The following OR5AP2 variants were observed in gnomAD, a reference collection of about 807,000 sequenced individuals.
The protein encoded by OR5AP2 is olfactory receptor family 5 subfamily AP member 2.
For synonymous variants in OR5AP2, 142 were observed against 140.8 expected, an observed-to-expected ratio of 1.01 and a Z score of -0.06; for missense variants, 409 against 378.9, an observed-to-expected ratio of 1.08 and a Z score of -0.66.
chr11:56,642,132 C>T lies in OR5AP2; in HGVS notation c.308G>A (p.Cys103Tyr). 2 of 1,614,142 alleles carry T rather than the reference C, an allele frequency of 1.2e-6. No individual in the cohort carries two copies. Among genetic ancestry groups the T allele is most frequent in the Non-Finnish European group, 1.7e-6 (2 of 1,180,022 alleles). The change falls in exon 1 of 1, where the codon TGT (cysteine) becomes TAT (tyrosine). Residue 103 changes from cysteine to tyrosine, a missense_variant. By Grantham distance (194) the Cys-to-Tyr change is radical. Transcript: ENST00000544374. ...AENKAISFHG[C>Y]AAQFYFFGSF... is the part of the protein sequence containing the mutation. ...GCCAAAGAAGTAGAACTGGGCAGCA[C>T]ATCCATGAAAAGAAATGGCCTTATT...
At position 56,642,340 on chromosome 11, in the gene OR5AP2, A is replaced by T; in HGVS notation, c.100T>A (p.Phe34Ile). The T allele has an allele frequency of 6.2e-7, 1 of 1,612,942 alleles. No homozygotes were observed. The highest frequency in any genetic ancestry group is 8.5e-7 in the Non-Finnish European group (1 of 1,179,948). Residue 34 changes from phenylalanine (F) to isoleucine (I), a missense_variant, in exon 1 of 1, where the codon TTT becomes ATT. Coordinates refer to ENST00000544374, the MANE Select transcript of OR5AP2 (RefSeq NM_001002925.1). The part of the protein sequence containing the change: ...SDNPDLQGVL[F>I]ALFLLIYMAN... The stretch of plus-strand genomic sequence containing the variant: ...ATATAGATCAACAGAAACAATGCAA[A>T]GAGGACTCCTTGTAGATCTGGATTG...
In OR5AP2 at chr11:56,641,654, G is replaced by A. The variant is rs773680184; in HGVS notation, c.786C>T (p.Leu262=). 1 of 1,614,144 alleles carries A rather than the reference G, an allele frequency of 6.2e-7. No homozygotes were observed. The highest frequency in any genetic ancestry group is 8.5e-7 in the Non-Finnish European group (1 of 1,180,028). Residue 262 remains leucine, a synonymous_variant, in exon 1 of 1, where the codon CTC becomes CTT. Transcript: ENST00000544374. ...MAVTIFFGTI[L]FMYLRPTSSY... is the part of the protein sequence containing the mutation. ...TAGATGTAGGGCGCAAGTACATGAA[G>A]AGGATTGTTCCAAAGAATATGGTGA... is the stretch of plus-strand genomic sequence containing the variant.
Position 56,642,368 on chromosome 11 carries a change from G to A in OR5AP2, c.72C>T (p.Ser24=), listed in dbSNP as rs764445202. ...GGACTCCTTGTAGATCTGGATTGTC[G>A]GAAAGTCCTAAGAGGAGAAATTCTG... is the stretch of plus-strand genomic sequence containing the variant. ...EVTEFLLLGL[S]DNPDLQGVLF... Residue 24 remains serine (S), a synonymous_variant, in exon 1 of 1, where the codon TCC becomes TCT. Transcript: ENST00000544374. 3.0e-5 allele frequency: 49 copies of A among 1,610,248 alleles called. No individual in the cohort carries two copies. Among genetic ancestry groups the A allele is most frequent in the African/African-American group, 1.7e-4 (13 of 74,892 alleles).
Position 56,641,927 on chromosome 11 carries a change from C to A in OR5AP2, c.513G>T (p.Arg171Ser), listed in dbSNP as rs1201944826. ...TCCTATTAGAACCACAAAAGGACAA[C>A]CTAAAAGTCATCCCTGTATGTATGG... ...NAAIHTGMTF[R>S]LSFCGSNRIN... The change falls in exon 1 of 1, where the codon AGG becomes AGT. Residue 171 changes from arginine (R) to serine (S), a missense_variant. Physicochemically the swap from Arg to Ser is moderately radical, Grantham distance 110. Coordinates refer to ENST00000544374, the MANE Select transcript of OR5AP2 (RefSeq NM_001002925.1). The A allele has an allele frequency of 6.2e-7, 1 of 1,614,170 alleles. No individual in the cohort carries two copies. The highest frequency in any genetic ancestry group is 8.5e-7 in the Non-Finnish European group (1 of 1,180,034).
At position 56,641,576 on chromosome 11, in the gene OR5AP2, G is replaced by C; in HGVS notation, c.864C>G (p.Ile288Met). 1 of 1,613,082 alleles carries C rather than the reference G, an allele frequency of 6.2e-7. No homozygotes were observed. The highest frequency in any genetic ancestry group is 8.5e-7 in the Non-Finnish European group (1 of 1,179,100). ...TATAGATGAGGGGATTTAGCACAGG[G>C]ATTATTACTGTATAAAAGACAGAGA... ...KVVSVFYTVIIPVLNPLIYSL... is the reference protein window; with the variant it reads ...KVVSVFYTVIMPVLNPLIYSL... Residue 288 changes from isoleucine to methionine, a missense_variant, in exon 1 of 1, where the codon ATC becomes ATG. Transcript: ENST00000544374.
At position 56,642,307 on chromosome 11, in the gene OR5AP2, T is replaced by C. The variant is rs747363797; in HGVS notation, c.133A>G (p.Met45Val). 4 of 1,613,974 alleles carry C rather than the reference T, an allele frequency of 2.5e-6. No homozygotes were observed. Among genetic ancestry groups the C allele is most frequent in the Non-Finnish European group, 1.7e-6 (2 of 1,180,026 alleles). ...ACAATCATCCCCAAATTGCCCACCA[T>C]GTTTGCCATATAGATCAACAGAAAC... Reference protein sequence around the residue: ...ALFLLIYMANMVGNLGMIVLI... With the variant: ...ALFLLIYMANVVGNLGMIVLI... The change falls in exon 1 of 1, where the codon ATG becomes GTG. Residue 45 changes from methionine to valine, a missense_variant. Met to Val is a conservative substitution (Grantham distance 21). Transcript: ENST00000544374.
Position 56,641,834 on chromosome 11 carries a change from G to T in OR5AP2, c.606C>A (p.Gly202=). 6.2e-7 allele frequency: 1 copy of T among 1,614,150 alleles called. No homozygotes were observed. The highest frequency in any genetic ancestry group is 8.5e-7 in the Non-Finnish European group (1 of 1,179,972). The change falls in exon 1 of 1, where the codon GGC becomes GGA. Residue 202 remains glycine, a synonymous_variant. Transcript: ENST00000544374. The part of the protein sequence containing the change: ...KLSCSDTHFN[G]IVIMAFSSFI... The stretch of plus-strand genomic sequence containing the variant: ...AACTTGAGAATGCCATGATCACAAT[G>T]CCATTGAAGTGGGTATCAGAGCAAG...
At position 56,641,545 on chromosome 11, in the gene OR5AP2, T is replaced by G. The variant is rs1262835060; in HGVS notation, c.895A>C (p.Lys299Gln). The part of the protein sequence containing the change: ...PVLNPLIYSL[K>Q]NKDVKKALKK... The stretch of plus-strand genomic sequence containing the variant: ...AGGGCCTTTTTTACATCCTTATTTT[T>G]TAAACTATAGATGAGGGGATTTAGC... The change falls in exon 1 of 1, where the codon AAA (lysine) becomes CAA (glutamine). Residue 299 changes from lysine (K) to glutamine (Q), a missense_variant. Physicochemically the swap from Lys to Gln is moderately conservative, Grantham distance 53. Transcript: ENST00000544374. The G allele has an allele frequency of 1.1e-5, 17 of 1,612,310 alleles. No homozygotes were observed. Among genetic ancestry groups the G allele is most frequent in the Non-Finnish European group, 1.4e-5 (17 of 1,178,724 alleles).
At position 56,641,707 on chromosome 11, in the gene OR5AP2, A is replaced by T; in HGVS notation, c.733T>A (p.Ser245Thr). Residue 245 changes from serine to threonine, a missense_variant, in exon 1 of 1, where the codon TCC becomes ACC. Coordinates refer to ENST00000544374, the MANE Select transcript of OR5AP2 (RefSeq NM_001002925.1). The part of the protein sequence containing the change: ...PSLEGRHKAF[S>T]TCASYLMAVT... ...GCCATGAGGTAAGAGGCACAGGTGG[A>T]GAAGGCTTTGTGCCTGCCCTCTAAC... 1 of 1,614,094 alleles carries T rather than the reference A, an allele frequency of 6.2e-7. No homozygotes were observed. Among genetic ancestry groups the T allele is most frequent in the Non-Finnish European group, 8.5e-7 (1 of 1,179,970 alleles).
rs1282927235 is a variant in OR5AP2 at position 56,641,820 on chromosome 11, G to A, written c.620C>T (p.Ala207Val). The A allele has an allele frequency of 1.9e-6, 3 of 1,614,156 alleles. No individual in the cohort carries two copies. The highest frequency in any genetic ancestry group is 2.2e-5 in the East Asian group (1 of 44,892). ...DTHFNGIVIM[A>V]FSSFIVISCV... ...GCTGATGACAATAAAACTTGAGAAT[G>A]CCATGATCACAATGCCATTGAAGTG... is the stretch of plus-strand genomic sequence containing the variant. The change falls in exon 1 of 1, where the codon GCA (alanine) becomes GTA (valine). Residue 207 changes from alanine to valine, a missense_variant. Ala to Val is a moderately conservative substitution (Grantham distance 64). Transcript: ENST00000544374.
chr11:56,642,146 AATGGCCTTATTCTCAG>A lies in OR5AP2; in HGVS notation c.278_293del (p.Ala93ValfsTer26). 2 of 1,614,190 alleles carry A rather than the reference AATGGCCTTATTCTCAG, an allele frequency of 1.2e-6. No homozygotes were observed. The highest frequency in any genetic ancestry group is 1.7e-6 in the Non-Finnish European group (2 of 1,180,020). ...ACTGGGCAGCACATCCATGAAAAGA[AATGGCCTTATTCTCAG>A]CCATGAGGTTCACCAGCATCTTGGG... On this transcript the variant is annotated frameshift_variant, in exon 1 of 1. Coordinates refer to ENST00000544374, the MANE Select transcript of OR5AP2 (RefSeq NM_001002925.1). LOFTEE classifies it low-confidence loss of function (END_TRUNC).
rs1482538152 is a variant in OR5AP2 at position 56,642,242 on chromosome 11, A to G, written c.198T>C (p.Tyr66=). The part of the protein sequence containing the change: ...KIDLCLHTPM[Y]FFLSSLSFVD... ...CAAAAGAGAGGCTACTGAGAAAGAAATACATGGGGGTGTGGAGACAGAGAT... is the reference window on the plus strand; with the variant it reads ...CAAAAGAGAGGCTACTGAGAAAGAAGTACATGGGGGTGTGGAGACAGAGAT... Residue 66 remains tyrosine, a synonymous_variant, in exon 1 of 1, where the codon TAT becomes TAC. Coordinates refer to ENST00000544374, the MANE Select transcript of OR5AP2 (RefSeq NM_001002925.1). 3 of 1,614,224 alleles carry G rather than the reference A, an allele frequency of 1.9e-6. No individual in the cohort carries two copies. The highest frequency in any genetic ancestry group is 1.7e-6 in the Non-Finnish European group (2 of 1,180,024).
At position 56,642,365 on chromosome 11, in the gene OR5AP2, G is replaced by C; in HGVS notation, c.75C>G (p.Asp25Glu). 6.2e-7 allele frequency: 1 copy of C among 1,610,898 alleles called. No homozygotes were observed. The highest frequency in any genetic ancestry group is 8.5e-7 in the Non-Finnish European group (1 of 1,179,976). Residue 25 changes from aspartate to glutamate, a missense_variant, in exon 1 of 1, where the codon GAC becomes GAG. By Grantham distance (45) the Asp-to-Glu change is conservative. Transcript: ENST00000544374. ...VTEFLLLGLS[D>E]NPDLQGVLFA... is the part of the protein sequence containing the mutation. ...AGAGGACTCCTTGTAGATCTGGATTGTCGGAAAGTCCTAAGAGGAGAAATT... is the reference window on the plus strand; with the variant it reads ...AGAGGACTCCTTGTAGATCTGGATTCTCGGAAAGTCCTAAGAGGAGAAATT...
chr11:56,642,096 C>A lies in OR5AP2; in HGVS notation c.344G>T (p.Gly115Val). ...AQFYFFGSFL[G>V]TECFLLAMMA... ...CATGGCCAACAGGAAGCACTCAGTC[C>A]CCAGGAAGGAGCCAAAGAAGTAGAA... The change falls in exon 1 of 1, where the codon GGG becomes GTG. Residue 115 changes from glycine to valine, a missense_variant. Gly to Val is a moderately radical substitution (Grantham distance 109). Transcript: ENST00000544374. 6.2e-7 allele frequency: 1 copy of A among 1,614,024 alleles called. No homozygotes were observed. The highest frequency in any genetic ancestry group is 8.5e-7 in the Non-Finnish European group (1 of 1,180,018).
In OR5AP2 at chr11:56,642,268, C is replaced by G; in HGVS notation, c.172G>C (p.Asp58His). 6.2e-7 allele frequency: 1 copy of G among 1,614,146 alleles called. No individual in the cohort carries two copies. Among genetic ancestry groups the G allele is most frequent in the South Asian group, 1.1e-5 (1 of 91,080 alleles). The change falls in exon 1 of 1, where the codon GAT becomes CAT. Residue 58 changes from aspartate to histidine, a missense_variant. Physicochemically the swap from Asp to His is moderately conservative, Grantham distance 81 (BLOSUM62 -1). Coordinates refer to ENST00000544374, the MANE Select transcript of OR5AP2 (RefSeq NM_001002925.1). The part of the protein sequence containing the change: ...NLGMIVLIKI[D>H]LCLHTPMYFF... ...TACATGGGGGTGTGGAGACAGAGAT[C>G]AATCTTAATCAATACAATCATCCCC... is the stretch of plus-strand genomic sequence containing the variant.
In OR5AP2 at chr11:56,642,190, T is replaced by C. The variant is rs1282802381; in HGVS notation, c.250A>G (p.Thr84Ala). Residue 84 changes from threonine to alanine, a missense_variant, in exon 1 of 1, where the codon ACT (threonine) becomes GCT (alanine). Transcript: ENST00000544374. ...FVDASYSSSV[T>A]PKMLVNLMAE... ...ATGAGGTTCACCAGCATCTTGGGAG[T>C]GACGGAAGAAGAGTAAGAGGCATCT... 1 of 1,613,882 alleles carries C rather than the reference T, an allele frequency of 6.2e-7. No homozygotes were observed. Among genetic ancestry groups the C allele is most frequent in the Non-Finnish European group, 8.5e-7 (1 of 1,180,004 alleles).
In OR5AP2 at chr11:56,641,669, G is replaced by T; in HGVS notation, c.771C>A (p.Phe257Leu). 1.2e-6 allele frequency: 2 copies of T among 1,614,120 alleles called. No individual in the cohort carries two copies. Among genetic ancestry groups the T allele is most frequent in the Non-Finnish European group, 1.7e-6 (2 of 1,180,034 alleles). ...AGTACATGAAGAGGATTGTTCCAAA[G>T]AATATGGTGACAGCCATGAGGTAAG... is the stretch of plus-strand genomic sequence containing the variant. Reference protein sequence around the residue: ...CASYLMAVTIFFGTILFMYLR... With the variant: ...CASYLMAVTILFGTILFMYLR... The change falls in exon 1 of 1, where the codon TTC becomes TTA. Residue 257 changes from phenylalanine (F) to leucine (L), a missense_variant. Coordinates refer to ENST00000544374, the MANE Select transcript of OR5AP2 (RefSeq NM_001002925.1).
rs1224291532 is a variant in OR5AP2 at position 56,641,602 on chromosome 11, C to A, written c.838G>T (p.Val280Phe). ...ATTATTACTGTATAAAAGACAGAGA[C>A]AACCTTGTCTTGCTCCATTGAGTAG... ...SSYSMEQDKV[V>F]SVFYTVIIPV... The change falls in exon 1 of 1, where the codon GTC (valine) becomes TTC (phenylalanine). Residue 280 changes from valine (V) to phenylalanine (F), a missense_variant. Coordinates refer to ENST00000544374, the MANE Select transcript of OR5AP2 (RefSeq NM_001002925.1). 6.2e-7 allele frequency: 1 copy of A among 1,612,708 alleles called. No homozygotes were observed. The highest frequency in any genetic ancestry group is 2.2e-5 in the East Asian group (1 of 44,866).
In OR5AP2 at chr11:56,642,022, C is replaced by A. The variant is rs1857010146; in HGVS notation, c.418G>T (p.Val140Phe). The stretch of plus-strand genomic sequence containing the variant: ...AAGCAAATTCTCCCAGACACGAGAA[C>A]TGGGTAGAGCAGGGGGTTCCAAATG... ...AAIWNPLLYP[V>F]LVSGRICFLL... The change falls in exon 1 of 1, where the codon GTT (valine) becomes TTT (phenylalanine). Residue 140 changes from valine (V) to phenylalanine (F), a missense_variant. Val to Phe is a conservative substitution (Grantham distance 50). Coordinates refer to ENST00000544374, the MANE Select transcript of OR5AP2 (RefSeq NM_001002925.1). 1.9e-6 allele frequency: 3 copies of A among 1,614,124 alleles called. No homozygotes were observed. The highest frequency in any genetic ancestry group is 2.5e-6 in the Non-Finnish European group (3 of 1,180,038).
Sources: allele counts gnomAD v4.1 joint callset, GRCh38; gene constraint gnomAD v4.1.1; transcripts MANE v1.5; gene names NCBI Gene and HGNC (gene_info 2026-07-23, HGNC 2026-07-21).